The following NSMCE2 variants were observed in gnomAD, a reference collection of about 807,000 sequenced individuals.
NSMCE2 encodes E3 SUMO-protein ligase NSE2.
Under a neutral mutation model 23.8 loss-of-function variants are expected in NSMCE2, and 24 were observed. That is an observed-to-expected ratio of 1.01 (90% CI 0.73 to 1.42). The LOEUF is 1.42. Ranked by LOEUF, NSMCE2 falls within the 40% of genes most tolerant of loss-of-function variation. The probability of loss-of-function intolerance (pLI) is 0.00; values close to 1 mark genes in which losing one functional copy is unlikely to be tolerated. For synonymous variants in NSMCE2, 92 were observed against 94.1 expected, an observed-to-expected ratio of 0.98 and a Z score of 0.13; for missense variants, 284 against 296.5, an observed-to-expected ratio of 0.96 and a Z score of 0.31.
chr8:125,254,018 G>A (rs975804600), intron 5 of NSMCE2, among the ~76,000 whole-genome samples: 4 of 152,132 alleles, frequency 2.6e-5, no homozygotes, highest in Non-Finnish European at 5.9e-5. Context: ...ATTTGTCTAA[G>A]TGTGTTTCTA....
chr8:125,212,329 G>T (rs1471077390), intron 5 of NSMCE2, among the ~76,000 whole-genome samples: 1 of 152,130 alleles, frequency 6.6e-6, no homozygotes, highest in Admixed American at 6.6e-5. Flanking sequence ...GGTGAGTTAG[G>T]TGGGAAGAAT....
intron 5 of NSMCE2, among the ~76,000 whole-genome samples, chr8:125,232,999 A>G (rs925585387): frequency 6.6e-6 from 1 of 152,220 alleles, no homozygotes; most frequent in Admixed American, 6.5e-5. Flanking sequence ...GGTTGTAACT[A>G]GTTCTGGAGG....
chr8:125,132,365 C>G (rs1439906310), intron 3 of NSMCE2, among the ~76,000 whole-genome samples: 9 of 152,198 alleles, frequency 5.9e-5, no homozygotes. Flanking sequence ...GGATTACAGG[C>G]ATGAGCCTCT....
At chr8:125,352,391 G>A (rs1300989735) in intron 5 of NSMCE2, among the ~76,000 whole-genome samples, 1 of 150,862 alleles carries the variant, frequency 6.6e-6, no homozygotes, top group African/African-American at 2.4e-5. Flanking sequence ...CAGGAGAATC[G>A]CTTGAACCCG....
intron 5 of NSMCE2, among the ~76,000 whole-genome samples, chr8:125,300,464 T>C (rs1828516296): frequency 6.6e-6 from 1 of 152,182 alleles, no homozygotes; most frequent in Non-Finnish European, 1.5e-5. Flanking sequence ...CACCTGGCCC[T>C]GGCTATGCCA....
intron 5 of NSMCE2, among the ~76,000 whole-genome samples, chr8:125,273,847 A>G (rs1035296148): frequency 2.6e-5 from 4 of 152,162 alleles, no homozygotes; most frequent in Non-Finnish European, 5.9e-5. Context: ...GGTGCTGTAT[A>G]AATGTTAGAG....
chr8:125,289,449 C>T (rs1211453031), intron 5 of NSMCE2, among the ~76,000 whole-genome samples: 5 of 152,164 alleles, frequency 3.3e-5, no homozygotes, highest in Non-Finnish European at 2.9e-5. Flanking sequence ...TGTTGGCCCA[C>T]CTCAGAATGG....
intron 3 of NSMCE2, among the ~76,000 whole-genome samples, chr8:125,105,463 G>GT (rs368736347): frequency 1.9e-4 from 28 of 149,432 alleles, no homozygotes; most frequent in East Asian, 3.9e-4. Context: ...TAGCTACAGA[G>GT]TTTTTTTTTT....
intron 5 of NSMCE2, among the ~76,000 whole-genome samples, chr8:125,188,560 C>T (rs1220240488): frequency 7.2e-5 from 11 of 152,172 alleles, no homozygotes; most frequent in Non-Finnish European, 1.0e-4. Flanking sequence ...TTCTGTTTTT[C>T]AGTTACTAGA....
In NSMCE2 at chr8:125,102,104, T is replaced by TA. The variant is rs1818219937; in HGVS notation, c.-56dup. On this transcript the variant is annotated 5_prime_UTR_variant, in exon 2 of 8. Transcript: ENST00000287437. The stretch of plus-strand genomic sequence containing the variant: ...TCTCTCTCCAAAAACTGAGGACACT[T>TA]ACCTTCCCCATATATTGAGTCCAGC... The TA allele has an allele frequency of 1.3e-5, 6 of 459,304 alleles. No homozygotes were observed. The East Asian group carries it at 2.1e-4, about 16-fold the overall frequency. 28.5% of individuals were successfully genotyped at this position (459,304 alleles called of 1,614,324 possible).
intron 5 of NSMCE2, among the ~76,000 whole-genome samples, chr8:125,199,315 C>G (rs1372704840): frequency 6.6e-6 from 1 of 152,110 alleles, no homozygotes; most frequent in African/African-American, 2.4e-5. Context: ...TTATGGGCAT[C>G]TAGTGCTATA....
Position 125,358,638 on chromosome 8 carries a change from G to A in NSMCE2, c.626+820G>A, listed in dbSNP as rs930145378. On this transcript the variant is annotated intron_variant, in intron 7 of 7. Coordinates refer to ENST00000287437, the MANE Select transcript of NSMCE2 (RefSeq NM_173685.4). ...GCATTGACTTCGTTTGGCATTTCTTGTGCTCTTATCATGGATTTGTTGCAG... is the reference window on the plus strand; with the variant it reads ...GCATTGACTTCGTTTGGCATTTCTTATGCTCTTATCATGGATTTGTTGCAG... 3.9e-5 allele frequency among the ~76,000 whole-genome samples: 6 copies of A among 151,990 alleles called. No homozygotes were observed. In the South Asian group the frequency reaches 1.2e-3, roughly 32 times the overall value.
At chr8:125,096,724 C>T (rs757158719) in intron 1 of NSMCE2, among the ~76,000 whole-genome samples, 5 of 145,162 alleles carry the variant, frequency 3.4e-5, no homozygotes, top group Non-Finnish European at 6.0e-5. Flanking sequence ...GATTCTTCTG[C>T]CTCAGCCTCC....
At chr8:125,246,093 A>T (rs939082202) in intron 5 of NSMCE2, among the ~76,000 whole-genome samples, 4 of 152,200 alleles carry the variant, frequency 2.6e-5, no homozygotes, top group African/African-American at 9.7e-5. Context: ...TTTAAAAAAC[A>T]TATTTGAAAA....
rs1220257872 is a variant in NSMCE2, at chr8:125,316,767, CCT to C, written c.419-40451_419-40450del. On this transcript the variant is annotated intron_variant, in intron 5 of 7. Transcript: ENST00000287437. The stretch of plus-strand genomic sequence containing the variant: ...TCCTTCCTTCCTTCCTTCCTTCCTT[CCT>C]TCTCTCTCTCTCTTTCTTTCTTTCT... Among the ~76,000 whole-genome samples, 269 of 144,314 alleles carry C rather than the reference CCT, an allele frequency of 1.9e-3. 1 individual carries two copies. The highest frequency in any genetic ancestry group is 4.7e-3 in the African/African-American group (180 of 37,946). 94.7% of individuals were successfully genotyped at this position (144,314 alleles called of 152,430 possible).
intron 3 of NSMCE2, among the ~76,000 whole-genome samples, chr8:125,148,134 T>G (rs1177300782): frequency 6.6e-6 from 1 of 152,174 alleles, no homozygotes; most frequent in African/African-American, 2.4e-5. Context: ...GCTGCACCAG[T>G]CTTTCCTAGT....
intron 7 of NSMCE2, among the ~76,000 whole-genome samples, chr8:125,361,114 CAG>C (rs1277605878): frequency 1.4e-5 from 2 of 140,274 alleles, no homozygotes; most frequent in African/African-American, 2.7e-5. Flanking sequence ...TTTTTTGAGA[CAG>C]AGTCTCACTC....
intron 5 of NSMCE2, among the ~76,000 whole-genome samples, chr8:125,347,814 G>T (rs10094940): frequency 6.6e-6 from 1 of 152,144 alleles, no homozygotes; most frequent in Non-Finnish European, 1.5e-5. Flanking sequence ...GCTTCACCAC[G>T]TACATAGAAT....
At chr8:125,245,092 A>C (rs775887355) in intron 5 of NSMCE2, among the ~76,000 whole-genome samples, 1 of 152,036 alleles carries the variant, frequency 6.6e-6, no homozygotes, top group Non-Finnish European at 1.5e-5. Flanking sequence ...GACCAGCCCG[A>C]CCAACATGGT....
Sources: gnomAD v4.1 joint callset for allele counts (sites outside exome capture counted in the v4.1 genomes callset) on GRCh38, gnomAD v4.1.1 for gene constraint, MANE v1.5 for transcripts, NCBI Gene and HGNC (gene_info 2026-07-23, HGNC 2026-07-21) for gene names.